The following TUBGCP5 variants were observed in gnomAD, a reference collection of about 807,000 sequenced individuals.
The protein encoded by TUBGCP5 is gamma-tubulin complex component 5.
Under a neutral mutation model 134.7 loss-of-function variants are expected in TUBGCP5, and 98 were observed. That is an observed-to-expected ratio of 0.73 (90% CI 0.62 to 0.86). The LOEUF is 0.86. Ranked by LOEUF, TUBGCP5 falls within the 40% of genes least tolerant of loss-of-function variation. TUBGCP5 has a pLI of 0.00. For missense variants in TUBGCP5, 1,150 were observed against 1,244.8 expected, an observed-to-expected ratio of 0.92 and a Z score of 1.15; for synonymous variants, 456 against 431.4, an observed-to-expected ratio of 1.06 and a Z score of -0.71.
chr15:23,025,076 A>G (rs183099135), intron 8 of TUBGCP5, among the ~76,000 whole-genome samples: 5 of 152,030 alleles, frequency 3.3e-5, no homozygotes, highest in Admixed American at 3.3e-4. Flanking sequence ...TAATTTTTGC[A>G]TTTTTTGTAG....
rs960502523 is a variant in TUBGCP5, at chr15:23,032,709, A to G, written c.406+19T>C. Reference sequence around the variant, plus strand: ...ATTTCTCTTTTACTTCTCATATGTTAAGGAATCTAGTAACATACCCACTTC... The same window carrying G: ...ATTTCTCTTTTACTTCTCATATGTTGAGGAATCTAGTAACATACCCACTTC... On this transcript the variant is annotated intron_variant, in intron 4 of 22. Coordinates refer to ENST00000615383, the MANE Select transcript of TUBGCP5 (RefSeq NM_052903.6). 8.0e-6 allele frequency: 12 copies of G among 1,493,024 alleles called. No homozygotes were observed. The East Asian group carries it at 2.6e-4, about 33-fold the overall frequency. 92.5% of individuals were successfully genotyped at this position (1,493,024 alleles called of 1,614,324 possible).
chr15:23,036,236 C>T lies in TUBGCP5; in HGVS notation c.309+661G>A, dbSNP rs183224682. Among the ~76,000 whole-genome samples, 423 of 152,234 alleles carry T rather than the reference C, an allele frequency of 2.8e-3. 1 individual carries two copies. The highest frequency in any genetic ancestry group is 9.8e-3 in the African/African-American group (406 of 41,532). On this transcript the variant is annotated intron_variant, in intron 3 of 22. Coordinates refer to ENST00000615383, the MANE Select transcript of TUBGCP5 (RefSeq NM_052903.6). Reference sequence around the variant, plus strand: ...CCACCCCCAATAAAAATGCTGGTCACCAAGGCTCAGCCGAGTGGCCCTGGG... The same window carrying T: ...CCACCCCCAATAAAAATGCTGGTCATCAAGGCTCAGCCGAGTGGCCCTGGG...
At position 23,022,181 on chromosome 15, in the gene TUBGCP5, A is replaced by G. The variant is rs749898170; in HGVS notation, c.1169-20T>C. The G allele has an allele frequency of 6.8e-6, 11 of 1,611,312 alleles. No homozygotes were observed. In the South Asian group the frequency reaches 8.8e-5, roughly 13 times the overall value. ...TAGTATCTGCAAATATCAATAAATC[A>G]AACTCAACAGCAAGGAAAAATACAT... On this transcript the variant is annotated intron_variant, in intron 10 of 22. Transcript: ENST00000615383.
chr15:23,033,078 T>C (rs2066401935), intron 3 of TUBGCP5, among the ~76,000 whole-genome samples: 1 of 152,222 alleles, frequency 6.6e-6, no homozygotes, highest in Admixed American at 6.5e-5. Flanking sequence ...GGATGACAGC[T>C]TTTTATTTCT....
chr15:23,023,830 T>G, intron 10 of TUBGCP5, 117 bp downstream of exon 10: 1 of 925,352 alleles, frequency 1.1e-6, no homozygotes, highest in Non-Finnish European at 1.5e-6. Context: ...AAAAGAAGCA[T>G]TCACGAGAAC....
At chr15:23,020,602 A>AAAAAG (rs1306415938) in intron 11 of TUBGCP5, among the ~76,000 whole-genome samples, 7 of 149,706 alleles carry the variant, frequency 4.7e-5, no homozygotes, top group East Asian at 2.0e-4. Context: ...AAAAAAAAAA[A>AAAAAG]AAAAGAAAAA....
In TUBGCP5 at chr15:22,999,714, T is replaced by A; in HGVS notation, c.*106A>T. On this transcript the variant is annotated 3_prime_UTR_variant, in exon 23 of 23. Transcript: ENST00000615383. ...CTGTGCCAGGCTGACTGTGGACAAG[T>A]TTTACAAATAAACCAAAATAAAAAT... The A allele has an allele frequency of 7.4e-7, 1 of 1,351,632 alleles. No homozygotes were observed. Among genetic ancestry groups the A allele is most frequent in the Non-Finnish European group, 1.0e-6 (1 of 954,798 alleles). The allele number at this position is 1,351,632 out of a possible 1,614,324, so 83.7% of individuals were successfully genotyped here. A position where few individuals can be genotyped will look rare whatever the true frequency, so the allele number is the denominator to read the frequency against.
At chr15:23,035,932 A>AG (rs773509349) in intron 3 of TUBGCP5, among the ~76,000 whole-genome samples, 74 of 152,318 alleles carry the variant, frequency 4.9e-4, no homozygotes, top group East Asian at 1.5e-3. Flanking sequence ...TGCCTTTTAA[A>AG]GGGGGAGACA....
intron 19 of TUBGCP5, chr15:23,004,678 A>G (rs561808055): frequency 3.2e-5 from 5 of 154,136 alleles, no homozygotes; most frequent in African/African-American, 7.2e-5. Flanking sequence ...CAAACTAAGA[A>G]AAAACTTAAA....
chr15:23,003,632 GTTTTTTTTTT>G (rs531926227), intron 20 of TUBGCP5, among the ~76,000 whole-genome samples: 77 of 88,676 alleles, frequency 8.7e-4, no homozygotes, highest in African/African-American at 2.7e-3. Flanking sequence ...TCCTCCTTCT[GTTTTTTTTTT>G]TTTTTTTTTT....
intron 13 of TUBGCP5, 24 bp downstream of exon 13, chr15:23,017,749 G>C: frequency 6.2e-7 from 1 of 1,603,972 alleles, no homozygotes; most frequent in Non-Finnish European, 8.5e-7. Flanking sequence ...CACCAAGAGA[G>C]ACACAGGAAG....
In TUBGCP5 at chr15:23,013,992, T is replaced by TCCTG. The variant is rs1411324435; in HGVS notation, c.1757-2665_1757-2662dup. 1.3e-5 allele frequency among the ~76,000 whole-genome samples: 2 copies of TCCTG among 152,072 alleles called. No homozygotes were observed. Among genetic ancestry groups the TCCTG allele is most frequent in the African/African-American group, 4.8e-5 (2 of 41,396 alleles). ...GCCCAGGATCGACTGGTGATTCTGGTCCTGCACAGCAGAAAAACCAGCCCC... is the reference window on the plus strand; with the variant it reads ...GCCCAGGATCGACTGGTGATTCTGGTCCTGCCTGCACAGCAGAAAAACCAGCCCC... On this transcript the variant is annotated intron_variant, in intron 13 of 22. Transcript: ENST00000615383. The surrounding 1 kb of genome is among the most constrained non-coding windows in gnomAD (Gnocchi z 4.5).
At chr15:23,025,848 AT>A (rs1377984259) in intron 8 of TUBGCP5, among the ~76,000 whole-genome samples, 1 of 151,858 alleles carries the variant, frequency 6.6e-6, no homozygotes, top group Non-Finnish European at 1.5e-5. Context: ...AAAAAAAAAA[AT>A]CAGTAGCAAA....
At chr15:22,992,313 G>T (rs1044815156) in intron 23 of TUBGCP5, among the ~76,000 whole-genome samples, 1 of 152,066 alleles carries the variant, frequency 6.6e-6, no homozygotes, top group African/African-American at 2.4e-5. Context: ...GCAGGTTTAG[G>T]TCCCTCCCAA....
chr15:23,024,081 C>T lies in TUBGCP5; in HGVS notation c.1034G>A (p.Gly345Glu), dbSNP rs1337727696. The T allele has an allele frequency of 6.2e-7, 1 of 1,614,172 alleles. No homozygotes were observed. Among genetic ancestry groups the T allele is most frequent in the Non-Finnish European group, 8.5e-7 (1 of 1,180,022 alleles). ...TGACTTCTTAGGAACAGACCCACTT[C>T]CAGGCAGCATGCTCTCAGAACTGTG... Reference protein sequence around the residue: ...MGHSSESMLPGSGSVPKKSTE... With the variant: ...MGHSSESMLPESGSVPKKSTE... The change falls in exon 10 of 23, where the codon GGA (glycine) becomes GAA (glutamate). Residue 345 changes from glycine (G) to glutamate (E), a missense_variant. Gly to Glu is a moderately conservative substitution (Grantham distance 98, BLOSUM62 -2). This residue lies in a region of TUBGCP5 where 697 missense variants were observed against 850.1 expected (regional missense o/e 0.82). Coordinates refer to ENST00000615383, the MANE Select transcript of TUBGCP5 (RefSeq NM_052903.6).
At chr15:23,004,474 C>T in intron 19 of TUBGCP5, 2 of 443,820 alleles carry the variant, frequency 4.5e-6, no homozygotes, top group East Asian at 4.5e-5. Context: ...GAACGCCAAA[C>T]TCTGGACTAA....
At chr15:23,033,923 G>T (rs1009427199) in intron 3 of TUBGCP5, among the ~76,000 whole-genome samples, 69 of 152,198 alleles carry the variant, frequency 4.5e-4, no homozygotes, top group African/African-American at 1.5e-3. Context: ...TTATATGATT[G>T]ATTTTTAAAT....
chr15:23,017,587 A>G (rs940390935), intron 13 of TUBGCP5, among the ~76,000 whole-genome samples, 186 bp downstream of exon 13: 3 of 152,186 alleles, frequency 2.0e-5, no homozygotes, highest in African/African-American at 7.2e-5. Context: ...AAAGTTTTCA[A>G]TGAAGACAAT....
At chr15:23,001,532 G>A (rs2064376776) in intron 21 of TUBGCP5, among the ~76,000 whole-genome samples, 1 of 151,642 alleles carries the variant, frequency 6.6e-6, no homozygotes, top group Admixed American at 6.6e-5. Context: ...TAGTAGAGAT[G>A]GAGTTTCTCC....
Sources: allele counts gnomAD v4.1 joint callset (sites outside exome capture counted in the v4.1 genomes callset), GRCh38; gene constraint gnomAD v4.1.1; regional missense constraint gnomAD v4.1.1; non-coding constraint Gnocchi (gnomAD v3.1); transcripts MANE v1.5; gene names NCBI Gene and HGNC (gene_info 2026-07-23, HGNC 2026-07-21).